The following NCKAP5 variants were observed in gnomAD, a reference collection of about 807,000 sequenced individuals.
The protein encoded by NCKAP5 is nck-associated protein 5.
NCKAP5 carries 92 observed loss-of-function variants against 167.0 expected under a neutral mutation model. That is an observed-to-expected ratio of 0.55 (90% CI 0.47 to 0.66). NCKAP5 has a LOEUF of 0.66. Among genes scored for constraint, NCKAP5 ranks in the 30% least tolerant of loss-of-function variants. NCKAP5 has a pLI of 0.00. For synonymous variants in NCKAP5, 891 were observed against 877.4 expected (o/e 1.02, Z -0.27); for missense variants, 2,378 against 2,315.0 (o/e 1.03, Z -0.56).
intron 3 of NCKAP5, among the ~76,000 whole-genome samples, chr2:133,492,580 T>C (rs527668296): frequency 1.3e-5 from 2 of 152,322 alleles, no homozygotes; most frequent in South Asian, 2.1e-4. Flanking sequence ...TAACTAGTTA[T>C]ATGACCAAGA....
intron 4 of NCKAP5, among the ~76,000 whole-genome samples, chr2:133,226,102 C>G (rs1482727821): frequency 3.3e-5 from 5 of 151,616 alleles, no homozygotes; most frequent in Admixed American, 3.3e-4. Context: ...CTGCCACACT[C>G]AATTTTTAAA....
the NCKAP5 span, among the ~76,000 whole-genome samples, chr2:133,578,426 C>T: frequency 1.3e-5 from 2 of 152,256 alleles, no homozygotes; most frequent in East Asian, 3.8e-4. Context: ...CAGACATGCA[C>T]TGCATGGGTC....
the NCKAP5 span, among the ~76,000 whole-genome samples, chr2:133,620,567 T>C: frequency 6.6e-6 from 1 of 151,804 alleles, no homozygotes; most frequent in South Asian, 2.1e-4. Flanking sequence ...CACAGGAAAA[T>C]ATCACAATTC....
At chr2:133,370,507 T>A (rs796955948) in intron 3 of NCKAP5, among the ~76,000 whole-genome samples, 8 of 152,242 alleles carry the variant, frequency 5.3e-5, no homozygotes, top group African/African-American at 1.7e-4. Context: ...GGAAAAAGGG[T>A]TTTAATCTGG....
At chr2:133,359,915 T>C (rs769486263) in intron 3 of NCKAP5, among the ~76,000 whole-genome samples, 3 of 152,202 alleles carry the variant, frequency 2.0e-5, no homozygotes, top group Non-Finnish European at 4.4e-5. Context: ...ATACAGACTT[T>C]TTGGAGGTGG....
rs553384806 is a variant in NCKAP5 at position 133,044,248 on chromosome 2, C to T, written c.342-50009G>A. ...CAAAGGAAAAGTCTGATAAACACAACTGCATTAAAATAAAATATTCTGTTC... is the reference window on the plus strand; with the variant it reads ...CAAAGGAAAAGTCTGATAAACACAATTGCATTAAAATAAAATATTCTGTTC... On this transcript the variant is annotated intron_variant, in intron 6 of 19. Transcript: ENST00000409261. Among the ~76,000 whole-genome samples, 4 of 152,236 alleles carry T rather than the reference C, an allele frequency of 2.6e-5. No individual in the cohort carries two copies. The East Asian group carries it at 7.7e-4, about 29-fold the overall frequency.
intron 6 of NCKAP5, among the ~76,000 whole-genome samples, chr2:133,105,462 T>C (rs1279705464): frequency 6.6e-6 from 1 of 152,244 alleles, no homozygotes; most frequent in African/African-American, 2.4e-5. Flanking sequence ...ATCTATCCAA[T>C]TGACTTTCTC....
intron 16 of NCKAP5, among the ~76,000 whole-genome samples, chr2:132,739,036 T>C (rs1183546917): frequency 1.3e-5 from 2 of 152,208 alleles, no homozygotes; most frequent in Non-Finnish European, 2.9e-5. Flanking sequence ...ACTTGTTTTA[T>C]ACCATATTCG....
At chr2:133,414,412 T>C (rs1427723641) in intron 3 of NCKAP5, among the ~76,000 whole-genome samples, 1 of 152,150 alleles carries the variant, frequency 6.6e-6, no homozygotes, top group African/African-American at 2.4e-5. Flanking sequence ...TCTAGTGGAA[T>C]CATTTACCCT....
At chr2:132,930,408 A>C (rs900216925) in intron 8 of NCKAP5, 1 of 152,218 alleles carries the variant, frequency 6.6e-6, no homozygotes, top group Non-Finnish European at 1.5e-5. Flanking sequence ...AGACAGAGTA[A>C]AGAAGATCTG....
intron 3 of NCKAP5, among the ~76,000 whole-genome samples, chr2:133,396,423 G>A (rs1211880221): frequency 6.6e-6 from 1 of 151,966 alleles, no homozygotes; most frequent in Non-Finnish European, 1.5e-5. Context: ...AACCTGTAGT[G>A]GCCCCTAAAT....
At chr2:132,990,207 A>C (rs1308420919) in intron 7 of NCKAP5, among the ~76,000 whole-genome samples, 1 of 152,210 alleles carries the variant, frequency 6.6e-6, no homozygotes, top group Non-Finnish European at 1.5e-5. Context: ...AGAGTCTCCA[A>C]GGAGAACAGT....
chr2:133,499,722 G>A (rs1289526463), intron 3 of NCKAP5, among the ~76,000 whole-genome samples: 3 of 152,094 alleles, frequency 2.0e-5, no homozygotes, highest in Non-Finnish European at 4.4e-5. Flanking sequence ...ACCACGCACA[G>A]CTAATTTTTG....
At chr2:133,298,862 T>G (rs552756511) in intron 4 of NCKAP5, among the ~76,000 whole-genome samples, 1 of 152,214 alleles carries the variant, frequency 6.6e-6, no homozygotes, top group African/African-American at 2.4e-5. Context: ...AATACATTGG[T>G]TCACAAAATA....
At chr2:133,637,583 G>T in the NCKAP5 span, among the ~76,000 whole-genome samples, 1 of 147,136 alleles carries the variant, frequency 6.8e-6, no homozygotes, top group South Asian at 2.1e-4. Context: ...GAAATATAAT[G>T]AAAATGGAGT....
chr2:132,872,418 A>G (rs773533411), intron 9 of NCKAP5, among the ~76,000 whole-genome samples: 3 of 152,008 alleles, frequency 2.0e-5, no homozygotes, highest in Non-Finnish European at 4.4e-5. Flanking sequence ...TCCTCCATGC[A>G]CTCTCTTGGA....
chr2:133,408,344 G>T (rs1688570237), intron 3 of NCKAP5, among the ~76,000 whole-genome samples: 1 of 152,128 alleles, frequency 6.6e-6, no homozygotes, highest in Admixed American at 6.5e-5. Context: ...TTTGTGTGCA[G>T]CATATATGTT....
chr2:133,209,828 T>C (rs2086125761), intron 5 of NCKAP5, among the ~76,000 whole-genome samples: 1 of 152,120 alleles, frequency 6.6e-6, no homozygotes, highest in Non-Finnish European at 1.5e-5. Flanking sequence ...GTGTAACTTT[T>C]CTGTAAATCT....
intron 11 of NCKAP5, among the ~76,000 whole-genome samples, chr2:132,811,445 G>A (rs1038911007): frequency 6.6e-6 from 1 of 152,124 alleles, no homozygotes; most frequent in African/African-American, 2.4e-5. Flanking sequence ...TCTTGCTGCT[G>A]CTGCTGTAGG....
Sources: gnomAD v4.1 joint callset for allele counts (sites outside exome capture counted in the v4.1 genomes callset) on GRCh38, gnomAD v4.1.1 for gene constraint, MANE v1.5 for transcripts, NCBI Gene and HGNC (gene_info 2026-07-23, HGNC 2026-07-21) for gene names.